Variants in ADAM32 observed in about 807,000 individuals in gnomAD.
The protein encoded by ADAM32 is disintegrin and metalloproteinase domain-containing protein 32.
In ADAM32, 89 loss-of-function variants were observed where a neutral mutation model predicts 114.9. That is an observed-to-expected ratio of 0.77 (90% confidence interval 0.65 to 0.92). ADAM32 has a LOEUF of 0.92. Among genes scored for constraint, ADAM32 ranks in the 40% least tolerant of loss-of-function variants. ADAM32 has a pLI of 0.00. For missense variants in ADAM32, 870 were observed against 932.8 expected (o/e 0.93, Z 0.88); for synonymous variants, 285 against 307.5 (o/e 0.93, Z 0.77).
At chr8:39,150,214 A>T (rs988216416) in intron 5 of ADAM32, among the ~76,000 whole-genome samples, 2 of 152,104 alleles carry the variant, frequency 1.3e-5, no homozygotes, top group Non-Finnish European at 2.9e-5. Flanking sequence ...GAAATTAATC[A>T]CTGTAATGCT....
Position 39,147,696 on chromosome 8 carries a change from G to C in ADAM32, c.276+491G>C, listed in dbSNP as rs1803585736. Among the ~76,000 whole-genome samples, 2 of 151,812 alleles carry C rather than the reference G, an allele frequency of 1.3e-5. 1 individual carries two copies. Among genetic ancestry groups the C allele is most frequent in the Admixed American group, 1.3e-4 (2 of 15,230 alleles). On this transcript the variant is annotated intron_variant, in intron 4 of 24. Transcript: ENST00000379907. ...TCCAAGTAAACATCATCTCTAGTTT[G>C]GATCATTGCCATAACTTCCTGAATA...
rs192249348 is a variant in ADAM32 at position 39,239,566 on chromosome 8, C to T, written c.1818+5484C>T. The stretch of plus-strand genomic sequence containing the variant: ...AACCAGCATGATAAATAGAATAGTA[C>T]CTCACATCTCAATACTAACATTGAA... On this transcript the variant is annotated intron_variant, in intron 16 of 24. Coordinates refer to ENST00000379907, the MANE Select transcript of ADAM32 (RefSeq NM_145004.7). Among the ~76,000 whole-genome samples the T allele has an allele frequency of 2.5e-3, 378 of 152,172 alleles. 4 individuals are homozygous for T. The highest frequency in any genetic ancestry group is 7.7e-3 in the South Asian group (37 of 4,814).
intron 6 of ADAM32, chr8:39,158,442 C>A: frequency 4.8e-6 from 1 of 207,744 alleles, no homozygotes; most frequent in Non-Finnish European, 9.6e-6. Flanking sequence ...CCCAGGATGC[C>A]TACTACCACC....
intron 11 of ADAM32, among the ~76,000 whole-genome samples, chr8:39,193,263 A>C (rs1412163702): frequency 6.6e-6 from 1 of 152,146 alleles, no homozygotes; most frequent in African/African-American, 2.4e-5. Context: ...TCAAGCTCCA[A>C]GATTCTTTCC....
intron 3 of ADAM32, among the ~76,000 whole-genome samples, chr8:39,146,853 A>G (rs1803537263): frequency 1.3e-5 from 2 of 152,350 alleles, no homozygotes; most frequent in South Asian, 2.1e-4. Context: ...TACTACCTTT[A>G]TATCAGGTTG....
At chr8:39,272,118 A>AAAG (rs1240935716) in intron 20 of ADAM32, among the ~76,000 whole-genome samples, 3 of 151,096 alleles carry the variant, frequency 2.0e-5, no homozygotes, top group Admixed American at 6.6e-5. Flanking sequence ...AAAAAAAAAA[A>AAAG]AAAGAAAGAA....
At position 39,156,982 on chromosome 8, in the gene ADAM32, G is replaced by A. The variant is rs551249362; in HGVS notation, c.526-3915G>A. Among the ~76,000 whole-genome samples the A allele has an allele frequency of 5.6e-4, 85 of 152,220 alleles. 2 individuals carry two copies. The highest frequency in any genetic ancestry group is 4.4e-5 in the Non-Finnish European group (3 of 68,004). On this transcript the variant is annotated intron_variant, in intron 6 of 24. Transcript: ENST00000379907. ...CTATAATAAGCAGGCAAGTCTACTA[G>A]CAATGAGCTTTTTCAGTTTTTATTT...
At chr8:39,196,306 C>T (rs1394162967) in intron 11 of ADAM32, among the ~76,000 whole-genome samples, 1 of 152,104 alleles carries the variant, frequency 6.6e-6, no homozygotes, top group Non-Finnish European at 1.5e-5. Flanking sequence ...TTGACTTCTA[C>T]ATTTCCAGTT....
chr8:39,279,711 A>G (rs1813310567), intron 22 of ADAM32, among the ~76,000 whole-genome samples: 1 of 151,286 alleles, frequency 6.6e-6, no homozygotes, highest in Non-Finnish European at 1.5e-5. Flanking sequence ...TTTTTGCCTC[A>G]GTCCTGCCTT....
At chr8:39,195,234 C>A (rs1271318946) in intron 11 of ADAM32, among the ~76,000 whole-genome samples, 1 of 152,182 alleles carries the variant, frequency 6.6e-6, no homozygotes, top group East Asian at 1.9e-4. Flanking sequence ...TTATTCCTGG[C>A]TGCGTCTAAT....
chr8:39,254,715 A>G (rs1214028545), intron 18 of ADAM32, among the ~76,000 whole-genome samples, 199 bp downstream of exon 18: 1 of 151,526 alleles, frequency 6.6e-6, no homozygotes, highest in Non-Finnish European at 1.5e-5. Flanking sequence ...TAATCAATTA[A>G]TTTTTTTTAT....
At chr8:39,212,308 C>A (rs1808279912) in intron 12 of ADAM32, among the ~76,000 whole-genome samples, 1 of 152,108 alleles carries the variant, frequency 6.6e-6, no homozygotes, top group Admixed American at 6.5e-5. Context: ...GCTACCACAC[C>A]TGGTTCTTGA....
chr8:39,151,670 C>CTT, intron 6 of ADAM32, 122 bp downstream of exon 6: 1 of 559,746 alleles, frequency 1.8e-6, no homozygotes, highest in Non-Finnish European at 2.6e-6. Context: ...TTGTGAACAT[C>CTT]TTATCTTTTT....
At chr8:39,242,867 C>A (rs2129449900) in intron 16 of ADAM32, among the ~76,000 whole-genome samples, 1 of 152,136 alleles carries the variant, frequency 6.6e-6, no homozygotes, top group East Asian at 1.9e-4. Context: ...AAAAGATAAA[C>A]AAAACGGATA....
At chr8:39,174,131 A>T (rs1054301212) in intron 10 of ADAM32, among the ~76,000 whole-genome samples, 14 of 152,152 alleles carry the variant, frequency 9.2e-5, no homozygotes, top group African/African-American at 3.1e-4. Context: ...AATCAACTTA[A>T]TTTTTGTATA....
At chr8:39,228,985 C>T (rs1809564229) in intron 14 of ADAM32, among the ~76,000 whole-genome samples, 1 of 152,182 alleles carries the variant, frequency 6.6e-6, no homozygotes, top group African/African-American at 2.4e-5. Flanking sequence ...GCAGATTTCT[C>T]AGCAGAAACC....
intron 24 of ADAM32, among the ~76,000 whole-genome samples, chr8:39,283,831 T>C (rs1409748920): frequency 2.0e-5 from 3 of 147,114 alleles, no homozygotes; most frequent in South Asian, 4.3e-4. Flanking sequence ...TGGAGTGCAA[T>C]GGTGCGATCT....
At chr8:39,158,732 T>C (rs1804313185) in intron 6 of ADAM32, 1 of 156,402 alleles carries the variant, frequency 6.4e-6, no homozygotes, top group Non-Finnish European at 1.4e-5. Flanking sequence ...TATTCTTTGA[T>C]TGTGCTCCTC....
At chr8:39,121,351 A>G (rs150249063) in intron 2 of ADAM32, among the ~76,000 whole-genome samples, 2 of 152,180 alleles carry the variant, frequency 1.3e-5, no homozygotes, top group African/African-American at 2.4e-5. Flanking sequence ...AACATGCATC[A>G]TTCTTCACAA....
Sources: gnomAD v4.1 joint callset for allele counts (sites outside exome capture counted in the v4.1 genomes callset) on GRCh38, gnomAD v4.1.1 for gene constraint, MANE v1.5 for transcripts, NCBI Gene and HGNC (gene_info 2026-07-23, HGNC 2026-07-21) for gene names.